Variants in MACO1 observed in about 807,000 individuals in gnomAD.
MACO1 encodes the protein macoilin 1.
Under a neutral mutation model 78.7 loss-of-function variants are expected in MACO1, and 14 were observed. That is an observed-to-expected ratio of 0.18 (90% CI 0.12 to 0.28). The LOEUF (loss-of-function observed/expected upper bound fraction) is 0.28. Among genes scored for constraint, MACO1 ranks in the 10% least tolerant of loss-of-function variants. The probability of loss-of-function intolerance (pLI) is 1.00; values close to 1 mark genes in which losing one functional copy is unlikely to be tolerated. For synonymous variants in MACO1, 288 were observed against 291.6 expected (o/e 0.99, Z 0.12); for missense variants, 501 against 799.0 (o/e 0.63, Z 4.50).
chr1:25,498,349 C>G lies in MACO1; in HGVS notation c.1878C>G (p.Tyr626Ter). ...TGGCCGTCATGCCCAGCATAACATACAGTGCCGCCACCAGCCCCCTGAGCC... is the reference window on the plus strand; with the variant it reads ...TGGCCGTCATGCCCAGCATAACATAGAGTGCCGCCACCAGCCCCCTGAGCC... The part of the protein sequence containing the change: ...EVMAVMPSIT[Y>*]SAATSPLSPV... Residue 626 changes from tyrosine to a stop codon, truncating the protein, a stop_gained, in exon 11 of 11, where the codon TAC becomes TAG. Coordinates refer to ENST00000374343, the MANE Select transcript of MACO1 (RefSeq NM_018202.6). LOFTEE classifies it high-confidence loss of function. 1 of 1,614,192 alleles carries G rather than the reference C, an allele frequency of 6.2e-7. No individual in the cohort carries two copies. The highest frequency in any genetic ancestry group is 8.5e-7 in the Non-Finnish European group (1 of 1,180,042).
chr1:25,459,646 T>C (rs1557665456), intron 6 of MACO1, among the ~76,000 whole-genome samples: 1 of 152,026 alleles, frequency 6.6e-6, no homozygotes, highest in Admixed American at 6.6e-5. Flanking sequence ...GGCTAATTTT[T>C]TTGTATTTTT....
At chr1:25,464,668 C>CT (rs71577772) in intron 6 of MACO1, among the ~76,000 whole-genome samples, 1 of 139,218 alleles carries the variant, frequency 7.2e-6, no homozygotes, top group Non-Finnish European at 1.5e-5. Flanking sequence ...CCACCCCCCC[C>CT]CTCCGCGAAA....
At chr1:25,447,329 C>T (rs1365932698) in intron 2 of MACO1, among the ~76,000 whole-genome samples, 1 of 152,078 alleles carries the variant, frequency 6.6e-6, no homozygotes, top group Non-Finnish European at 1.5e-5. Context: ...CTCAGGGCCC[C>T]TTTTCACTCG....
intron 1 of MACO1, among the ~76,000 whole-genome samples, chr1:25,441,399 G>A (rs1465404372): frequency 2.6e-5 from 4 of 152,130 alleles, no homozygotes; most frequent in African/African-American, 9.7e-5. Flanking sequence ...TGGCCAGGCT[G>A]GTCTCGAACT....
intron 3 of MACO1, among the ~76,000 whole-genome samples, chr1:25,450,209 G>A (rs994683101): frequency 6.6e-6 from 1 of 152,082 alleles, no homozygotes; most frequent in Non-Finnish European, 1.5e-5. Context: ...CTGTAGGCAA[G>A]AACACCTCTG....
intron 6 of MACO1, among the ~76,000 whole-genome samples, chr1:25,474,698 A>T (rs538032526): frequency 1.3e-5 from 2 of 152,284 alleles, no homozygotes; most frequent in South Asian, 4.1e-4. Flanking sequence ...TGCTTACTCC[A>T]TCTGTGTCTA....
chr1:25,440,877 A>G (rs528498247), intron 1 of MACO1, among the ~76,000 whole-genome samples: 2 of 152,288 alleles, frequency 1.3e-5, no homozygotes, highest in Admixed American at 1.3e-4. Flanking sequence ...ACTAGAAGAT[A>G]CTTTGAGAAC....
chr1:25,462,569 A>G (rs893963226), intron 6 of MACO1, among the ~76,000 whole-genome samples: 1 of 152,178 alleles, frequency 6.6e-6, no homozygotes, highest in African/African-American at 2.4e-5. Context: ...AACCAGTACT[A>G]TATTAACTAA....
At chr1:25,452,505 A>G (rs2043075591) in intron 3 of MACO1, among the ~76,000 whole-genome samples, 1 of 152,196 alleles carries the variant, frequency 6.6e-6, no homozygotes, top group Non-Finnish European at 1.5e-5. Context: ...AGTGTCAGAA[A>G]CATTTCTTTG....
chr1:25,480,984 C>T (rs61775189), intron 6 of MACO1, among the ~76,000 whole-genome samples: 4,951 of 104,136 alleles, frequency 0.048, 140 homozygotes, highest in Middle Eastern at 0.083. Context: ...ATTTCATGTT[C>T]TTTGGTCTTC....
intron 1 of MACO1, among the ~76,000 whole-genome samples, chr1:25,440,093 A>G (rs916170306): frequency 1.3e-5 from 2 of 151,928 alleles, no homozygotes; most frequent in African/African-American, 4.8e-5. Context: ...TTACTGTATT[A>G]GAAATTAAAA....
At chr1:25,481,048 C>T (rs2043373040) in intron 6 of MACO1, among the ~76,000 whole-genome samples, 1 of 145,688 alleles carries the variant, frequency 6.9e-6, no homozygotes, top group Admixed American at 6.9e-5. Flanking sequence ...TGCATTAGCT[C>T]ATTGGATTTT....
intron 6 of MACO1, among the ~76,000 whole-genome samples, chr1:25,475,284 G>C (rs2043311811): frequency 6.6e-6 from 1 of 152,164 alleles, no homozygotes; most frequent in African/African-American, 2.4e-5. Flanking sequence ...GGCAGAGCTT[G>C]CAGTGAGCCA....
chr1:25,451,934 A>G (rs2043070187), intron 3 of MACO1, among the ~76,000 whole-genome samples: 1 of 150,858 alleles, frequency 6.6e-6, no homozygotes, highest in Non-Finnish European at 1.5e-5. Context: ...TCTGTCTCCA[A>G]AAAAAAAAGA....
intron 1 of MACO1, among the ~76,000 whole-genome samples, chr1:25,440,629 CATG>C (rs2042963277): frequency 6.6e-6 from 1 of 151,618 alleles, no homozygotes; most frequent in Non-Finnish European, 1.5e-5. Flanking sequence ...ATTAGCCAGG[CATG>C]GTGGTAGGCA....
rs191738506 is a variant in MACO1 at position 25,475,331 on chromosome 1, C to T, written c.1155-8785C>T. Among the ~76,000 whole-genome samples the T allele has an allele frequency of 2.6e-4, 40 of 152,102 alleles. No individual in the cohort carries two copies. The East Asian group carries it at 7.2e-3, about 27-fold the overall frequency. ...CTGTACTCCAGCCTGGGCAACAGAG[C>T]GAGACTCGGTCTCAAAAACAAACAA... On this transcript the variant is annotated intron_variant, in intron 6 of 10. Coordinates refer to ENST00000374343, the MANE Select transcript of MACO1 (RefSeq NM_018202.6).
At chr1:25,477,486 C>CA (rs1326653002) in intron 6 of MACO1, among the ~76,000 whole-genome samples, 2 of 152,164 alleles carry the variant, frequency 1.3e-5, no homozygotes, top group Non-Finnish European at 2.9e-5. Context: ...GCCTCTCTGT[C>CA]ACTTGCTCTT....
At chr1:25,438,380 A>C (rs947209393) in intron 1 of MACO1, among the ~76,000 whole-genome samples, 2 of 152,238 alleles carry the variant, frequency 1.3e-5, no homozygotes, top group African/African-American at 4.8e-5. Flanking sequence ...CTTACTTGTA[A>C]CTTTTCCAAA....
At chr1:25,465,274 C>T (rs937710004) in intron 6 of MACO1, among the ~76,000 whole-genome samples, 1 of 152,104 alleles carries the variant, frequency 6.6e-6, no homozygotes, top group Non-Finnish European at 1.5e-5. Flanking sequence ...CATCTATGTG[C>T]CGGTTTTGGG....
Sources: allele counts gnomAD v4.1 joint callset (sites outside exome capture counted in the v4.1 genomes callset), GRCh38; gene constraint gnomAD v4.1.1; transcripts MANE v1.5; gene names NCBI Gene and HGNC (gene_info 2026-07-23, HGNC 2026-07-21).